The following DIAPH3 variants were observed in gnomAD, a reference collection of about 807,000 sequenced individuals.
The protein encoded by DIAPH3 is protein diaphanous homolog 3.
In DIAPH3, 117 loss-of-function variants were observed where a neutral mutation model predicts 144.3. The observed-to-expected ratio is 0.81, with a 90% CI of 0.70 to 0.95. DIAPH3 has a LOEUF of 0.95. Among genes scored for constraint, DIAPH3 ranks in the 40% least tolerant of loss-of-function variants. DIAPH3 has a pLI of 0.00. For missense variants in DIAPH3, 1,421 were observed against 1,412.7 expected (o/e 1.01, Z -0.09); for synonymous variants, 519 against 488.9 (o/e 1.06, Z -0.81).
In DIAPH3 at chr13:59,879,373, C is replaced by T. The variant is rs749719774; in HGVS notation, c.2463G>A (p.Met821Ile). 2 of 1,613,848 alleles carry T rather than the reference C, an allele frequency of 1.2e-6. No individual in the cohort carries two copies. Among genetic ancestry groups the T allele is most frequent in the Non-Finnish European group, 8.5e-7 (1 of 1,179,866 alleles). Residue 821 changes from methionine to isoleucine, a missense_variant, in exon 21 of 28, where the codon ATG becomes ATA. Physicochemically the swap from Met to Ile is conservative, Grantham distance 10. Transcript: ENST00000400324. Reference sequence around the variant, plus strand: ...TCTCTTCGCAGGCAGTACTGACAGCCATGATGTCAGGTTTGATGTTGTTCA... The same window carrying T: ...TCTCTTCGCAGGCAGTACTGACAGCTATGATGTCAGGTTTGATGTTGTTCA... ...EQVNNIKPDIMAVSTACEEIK... is the reference protein window; with the variant it reads ...EQVNNIKPDIIAVSTACEEIK...
At chr13:60,018,365 T>C (rs1374647978) in intron 5 of DIAPH3, among the ~76,000 whole-genome samples, 1 of 152,200 alleles carries the variant, frequency 6.6e-6, no homozygotes, top group Non-Finnish European at 1.5e-5. Context: ...AATATGCTTA[T>C]ATTATGACCC....
At chr13:59,716,426 T>C (rs535383102) in intron 27 of DIAPH3, among the ~76,000 whole-genome samples, 23 of 152,148 alleles carry the variant, frequency 1.5e-4, no homozygotes, top group Non-Finnish European at 2.1e-4. Context: ...CTGCCCGCCT[T>C]TGCCTCCCAA....
At chr13:59,722,255 G>A (rs933663301) in intron 27 of DIAPH3, among the ~76,000 whole-genome samples, 6 of 152,148 alleles carry the variant, frequency 3.9e-5, no homozygotes, top group Non-Finnish European at 8.8e-5. Flanking sequence ...AGAGCCTTAT[G>A]ACATGGCCTT....
chr13:60,121,955 C>A (rs1307557292), intron 2 of DIAPH3, among the ~76,000 whole-genome samples: 1 of 152,122 alleles, frequency 6.6e-6, no homozygotes, highest in Non-Finnish European at 1.5e-5. Flanking sequence ...AGCCTTCTAA[C>A]CTGCCTCCAT....
intron 17 of DIAPH3, among the ~76,000 whole-genome samples, chr13:59,957,468 G>A (rs1228715661): frequency 1.3e-5 from 2 of 152,088 alleles, no homozygotes; most frequent in East Asian, 1.9e-4. Context: ...CCATGATTGT[G>A]GGTCCTCCCC....
At chr13:59,948,899 A>G (rs1031453832) in intron 17 of DIAPH3, among the ~76,000 whole-genome samples, 5 of 145,542 alleles carry the variant, frequency 3.4e-5, no homozygotes, top group Non-Finnish European at 7.6e-5. Flanking sequence ...GAAGGAAGGA[A>G]GGAAGGAAAC....
intron 4 of DIAPH3, among the ~76,000 whole-genome samples, chr13:60,091,231 C>T (rs2057920682): frequency 1.3e-5 from 2 of 152,146 alleles, no homozygotes; most frequent in South Asian, 4.1e-4. Flanking sequence ...CATCACATTT[C>T]ACCTCCTATT....
intron 22 of DIAPH3, among the ~76,000 whole-genome samples, chr13:59,857,888 A>G (rs1163587147): frequency 6.6e-6 from 1 of 152,196 alleles, no homozygotes; most frequent in Non-Finnish European, 1.5e-5. Context: ...GCTGAAGGCT[A>G]TATAGAGATA....
At chr13:59,861,329 T>C (rs1273784231) in intron 22 of DIAPH3, 78 bp downstream of exon 22, 7 of 1,608,656 alleles carry the variant, frequency 4.4e-6, no homozygotes, top group Middle Eastern at 1.7e-4. Flanking sequence ...GGAAAGTACA[T>C]ACAAATAAAA....
chr13:59,779,002 T>C (rs2038579418), intron 25 of DIAPH3, among the ~76,000 whole-genome samples: 1 of 152,244 alleles, frequency 6.6e-6, no homozygotes, highest in Non-Finnish European at 1.5e-5. Context: ...CCAACAATGA[T>C]TTCAATTGTA....
At chr13:59,976,896 A>G (rs2050707387) in intron 14 of DIAPH3, among the ~76,000 whole-genome samples, 1 of 151,734 alleles carries the variant, frequency 6.6e-6, no homozygotes, top group Non-Finnish European at 1.5e-5. Flanking sequence ...AAAACCAAAC[A>G]TGTTTCCCCC....
intron 17 of DIAPH3, among the ~76,000 whole-genome samples, chr13:59,969,492 G>A (rs751603789): frequency 7.2e-5 from 11 of 152,058 alleles, no homozygotes; most frequent in Admixed American, 2.0e-4. Context: ...CCATCAACCC[G>A]TCATCTACGT....
chr13:60,153,117 C>T (rs1951874877), intron 1 of DIAPH3, among the ~76,000 whole-genome samples: 1 of 151,966 alleles, frequency 6.6e-6, no homozygotes. Flanking sequence ...GTATTTACTA[C>T]CAATATGGTT....
intron 22 of DIAPH3, among the ~76,000 whole-genome samples, chr13:59,852,429 T>A (rs982861377): frequency 2.0e-5 from 3 of 152,136 alleles, no homozygotes; most frequent in Non-Finnish European, 4.4e-5. Flanking sequence ...TCCAGAAAAA[T>A]AAACTCAGAG....
chr13:60,125,874 G>A (rs969577682), intron 2 of DIAPH3, among the ~76,000 whole-genome samples: 10 of 152,120 alleles, frequency 6.6e-5, no homozygotes, highest in African/African-American at 2.2e-4. Flanking sequence ...TAGAAGAAAC[G>A]AGAGAAGAAG....
At chr13:59,843,695 C>T (rs1050407697) in intron 22 of DIAPH3, among the ~76,000 whole-genome samples, 2 of 152,204 alleles carry the variant, frequency 1.3e-5, no homozygotes, top group African/African-American at 4.8e-5. Flanking sequence ...TGATTATTTG[C>T]ACATTATTTG....
intron 5 of DIAPH3, among the ~76,000 whole-genome samples, chr13:60,040,934 C>T (rs187149090): frequency 6.6e-6 from 1 of 152,150 alleles, no homozygotes; most frequent in African/African-American, 2.4e-5. Flanking sequence ...CTGCCTCAGC[C>T]TCCTGAATAG....
intron 1 of DIAPH3, among the ~76,000 whole-genome samples, chr13:60,139,454 G>A (rs1428233131): frequency 6.6e-6 from 1 of 152,070 alleles, no homozygotes; most frequent in Non-Finnish European, 1.5e-5. Flanking sequence ...ACTATCCAAA[G>A]CTTCTCTACT....
intron 2 of DIAPH3, among the ~76,000 whole-genome samples, chr13:60,123,797 AT>A (rs1193800672): frequency 2.6e-5 from 4 of 152,024 alleles, no homozygotes; most frequent in Non-Finnish European, 4.4e-5. Context: ...CAAGGAAAAT[AT>A]AAAAAGTTAA....
Sources: gnomAD v4.1 joint callset for allele counts (sites outside exome capture counted in the v4.1 genomes callset) on GRCh38, gnomAD v4.1.1 for gene constraint, MANE v1.5 for transcripts, NCBI Gene and HGNC (gene_info 2026-07-23, HGNC 2026-07-21) for gene names.